KALRN: variants seen among roughly 807,000 people sequenced by gnomAD.
The protein encoded by KALRN is kalirin RhoGEF kinase.
KALRN carries 70 observed loss-of-function variants against 353.7 expected under a neutral mutation model. The ratio of observed to expected loss-of-function variants is 0.20; its 90% confidence interval spans 0.16 to 0.24. The LOEUF (loss-of-function observed/expected upper bound fraction) is 0.24, where lower values mean the gene tolerates loss of function less well. Among genes scored for constraint, KALRN ranks in the 10% least tolerant of loss-of-function variants. The pLI is 1.00. For missense variants in KALRN, 2,791 were observed against 3,756.7 expected (o/e 0.74, Z 6.72); for synonymous variants, 1,391 against 1,434.8 (o/e 0.97, Z 0.69).
chr3:124,093,531 C>A (rs2061247549), intron 1 of KALRN, among the ~76,000 whole-genome samples: 1 of 152,236 alleles, frequency 6.6e-6, no homozygotes, highest in Non-Finnish European at 1.5e-5. Flanking sequence ...GGACTGGGCA[C>A]CCCGTCATGC....
chr3:124,198,772 C>G (rs920839124), intron 1 of KALRN, among the ~76,000 whole-genome samples: 2 of 152,190 alleles, frequency 1.3e-5, no homozygotes, highest in Non-Finnish European at 2.9e-5. Flanking sequence ...AAAGGGGTCA[C>G]TGACTCTAGA....
chr3:124,530,489 T>C (rs2067947425), intron 33 of KALRN, among the ~76,000 whole-genome samples: 1 of 152,164 alleles, frequency 6.6e-6, no homozygotes, highest in South Asian at 2.1e-4. Flanking sequence ...CCTCCTGGGC[T>C]GAAGTGATCC....
At chr3:124,204,731 T>G (rs763677736) in intron 1 of KALRN, among the ~76,000 whole-genome samples, 1 of 152,244 alleles carries the variant, frequency 6.6e-6, no homozygotes, top group Non-Finnish European at 1.5e-5. Flanking sequence ...ATCCCTGTTT[T>G]AGAATTTACC....
Position 124,674,568 on chromosome 3 carries a change from C to T in KALRN, c.7147C>T (p.Pro2383Ser). 1 of 1,608,666 alleles carries T rather than the reference C, an allele frequency of 6.2e-7. No homozygotes were observed. The highest frequency in any genetic ancestry group is 8.5e-7 in the Non-Finnish European group (1 of 1,177,030). The change falls in exon 49 of 60, where the codon CCC (proline) becomes TCC (serine). Residue 2383 changes from proline (P) to serine (S), a missense_variant. Around this residue, in one of 11 missense-constraint regions of KALRN, gnomAD observed 1,065 missense variants for 1,156.4 expected, o/e 0.92. Coordinates refer to ENST00000682506, the MANE Select transcript of KALRN (RefSeq NM_001388419.1). ...CTGGGTCCCAGGCAGCATCCTGGCG[C>T]CCCTCACCAAAGCCACAGCAGCAGA... ...EGWVPGSILA[P>S]LTKATAAESS...
intron 57 of KALRN, among the ~76,000 whole-genome samples, chr3:124,702,405 T>C (rs2150695416): frequency 6.6e-6 from 1 of 152,348 alleles, no homozygotes; most frequent in South Asian, 2.1e-4. Context: ...AGTTTTGATA[T>C]GCAGTATTTT....
intron 2 of KALRN, 68 bp from the exon 3 acceptor site, chr3:124,234,761 C>T: frequency 8.0e-7 from 1 of 1,245,730 alleles, no homozygotes; most frequent in Non-Finnish European, 1.1e-6. Flanking sequence ...AGACAGATTT[C>T]TTTTTCCTCT....
At chr3:124,305,899 A>G (rs1485378480) in intron 6 of KALRN, among the ~76,000 whole-genome samples, 2 of 152,162 alleles carry the variant, frequency 1.3e-5, no homozygotes, top group Non-Finnish European at 2.9e-5. Flanking sequence ...TACTAGAAAA[A>G]AAATAAAAAA....
intron 1 of KALRN, among the ~76,000 whole-genome samples, chr3:124,197,116 A>T (rs566071046): frequency 5.9e-5 from 9 of 152,130 alleles, no homozygotes; most frequent in Non-Finnish European, 1.3e-4. Context: ...ATTTAAAAAG[A>T]TTGCAAACCC....
chr3:124,495,288 A>G (rs2063583650), intron 32 of KALRN, among the ~76,000 whole-genome samples: 1 of 152,150 alleles, frequency 6.6e-6, no homozygotes, highest in Non-Finnish European at 1.5e-5. Flanking sequence ...ATAAACATGC[A>G]TGAGATCCTC....
chr3:124,297,041 T>A (rs1312530505), intron 5 of KALRN, among the ~76,000 whole-genome samples: 1 of 152,234 alleles, frequency 6.6e-6, no homozygotes, highest in Non-Finnish European at 1.5e-5. Context: ...AAGTTGTATC[T>A]GAGTCCATGT....
At chr3:124,391,373 G>GA (rs201925396) in intron 11 of KALRN, among the ~76,000 whole-genome samples, 2 of 152,098 alleles carry the variant, frequency 1.3e-5, no homozygotes, top group Non-Finnish European at 2.9e-5. Context: ...GACAGTGGGG[G>GA]AAAAAACACG....
At chr3:124,408,812 A>G (rs1332824244) in intron 13 of KALRN, among the ~76,000 whole-genome samples, 1 of 152,176 alleles carries the variant, frequency 6.6e-6, no homozygotes, top group Non-Finnish European at 1.5e-5. Flanking sequence ...ACACATAAAT[A>G]CTGGGGAAGA....
At chr3:124,261,635 C>A (rs184265739) in intron 3 of KALRN, among the ~76,000 whole-genome samples, 35 of 152,176 alleles carry the variant, frequency 2.3e-4, no homozygotes, top group Admixed American at 3.9e-4. Context: ...CTACTGACCA[C>A]CAGCTTTGGA....
chr3:124,121,092 T>C (rs1180831536), intron 1 of KALRN, among the ~76,000 whole-genome samples: 2 of 15,794 alleles, frequency 1.3e-4, no homozygotes, highest in Non-Finnish European at 1.7e-4. Context: ...AGACTCCATC[T>C]CAAAAAAAAA....
At chr3:124,430,315 A>G (rs1380082296) in intron 15 of KALRN, among the ~76,000 whole-genome samples, 1 of 152,200 alleles carries the variant, frequency 6.6e-6, no homozygotes, top group African/African-American at 2.4e-5. Context: ...AACAGATGGA[A>G]TTTATTTATT....
At chr3:124,717,629 G>A (rs1328311493) in intron 59 of KALRN, among the ~76,000 whole-genome samples, 1 of 151,792 alleles carries the variant, frequency 6.6e-6, no homozygotes, top group Non-Finnish European at 1.5e-5. Context: ...CTGGGAGGCG[G>A]AGCTTGCAGT....
chr3:124,675,298 G>A lies in KALRN; in HGVS notation c.7193+684G>A, dbSNP rs1165527356. On this transcript the variant is annotated intron_variant, in intron 49 of 59. Coordinates refer to ENST00000682506, the MANE Select transcript of KALRN (RefSeq NM_001388419.1). ...TGCACTATTTAAAGAAACCCATATG[G>A]ATGAAGTCAGGATGTGCAATATGAT... 2.6e-5 allele frequency: 4 copies of A among 152,120 alleles called. No homozygotes were observed. In the East Asian group the frequency reaches 7.7e-4, roughly 29 times the overall value. 9.4% of individuals were successfully genotyped at this position (152,120 alleles called of 1,614,324 possible).
intron 34 of KALRN, among the ~76,000 whole-genome samples, chr3:124,600,526 G>T (rs1283896186): frequency 6.6e-6 from 1 of 152,218 alleles, no homozygotes; most frequent in Admixed American, 6.5e-5. Flanking sequence ...GTACTAGAAA[G>T]TGAAACTGCA....
chr3:124,451,253 A>AGGGAAGGAGGAAAAGAGAGAGTG (rs2058749406), intron 21 of KALRN, among the ~76,000 whole-genome samples: 1 of 152,050 alleles, frequency 6.6e-6, no homozygotes, highest in Non-Finnish European at 1.5e-5. Context: ...ATAGAAAGAA[A>AGGGAAGGAGGAAAAGAGAGAGTG]GGGAAGGAGG....
Sources: allele counts gnomAD v4.1 joint callset (sites outside exome capture counted in the v4.1 genomes callset), GRCh38; gene constraint gnomAD v4.1.1; regional missense constraint gnomAD v4.1.1; transcripts MANE v1.5; gene names NCBI Gene and HGNC (gene_info 2026-07-23, HGNC 2026-07-21).